The following SETD1B variants were observed in gnomAD, a reference collection of about 807,000 sequenced individuals.
SETD1B encodes the protein histone-lysine N-methyltransferase SETD1B.
In SETD1B, 7 loss-of-function variants were observed where a neutral mutation model predicts 148.0. The ratio of observed to expected loss-of-function variants is 0.05; its 90% CI spans 0.03 to 0.09. SETD1B has a LOEUF of 0.09. Ranked by LOEUF, SETD1B falls within the 10% of genes least tolerant of loss-of-function variation. SETD1B has a pLI of 1.00. For synonymous variants in SETD1B, 1,361 were observed against 1,186.5 expected, an observed-to-expected ratio of 1.15 and a Z score of -3.02; for missense variants, 2,155 against 2,729.9, an observed-to-expected ratio of 0.79 and a Z score of 4.69.
At chr12:121,815,277 A>G (rs1429001773) in intron 7 of SETD1B, among the ~76,000 whole-genome samples, 1 of 152,158 alleles carries the variant, frequency 6.6e-6, no homozygotes, top group African/African-American at 2.4e-5. Context: ...TAAATGTGCA[A>G]ATTAACTTAA....
the SETD1B span, chr12:121,793,562 G>A: frequency 1.9e-6 from 3 of 1,551,900 alleles, no homozygotes; most frequent in East Asian, 2.4e-5. Context: ...CGTCGCCCAC[G>A]ATCACGATCT....
chr12:121,822,698 G>A lies in SETD1B; in HGVS notation c.4119G>A (p.Ser1373=), dbSNP rs1244465428. Residue 1373 remains serine (S), a synonymous_variant, in exon 12 of 17, where the codon TCG becomes TCA. Coordinates refer to ENST00000604567, the MANE Select transcript of SETD1B (RefSeq NM_001353345.2). ...GCCTCTGTGGCAGCCTGGCCAAGTCGCAGAGCACAGAGACGGTGCCAGCCA... is the reference window on the plus strand; with the variant it reads ...GCCTCTGTGGCAGCCTGGCCAAGTCACAGAGCACAGAGACGGTGCCAGCCA... ...TPGLCGSLAK[S]QSTETVPATP... is the part of the protein sequence containing the mutation. 7.8e-6 allele frequency: 12 copies of A among 1,536,952 alleles called. No homozygotes were observed. Among genetic ancestry groups the A allele is most frequent in the Non-Finnish European group, 1.1e-5 (12 of 1,136,696 alleles).
In SETD1B at chr12:121,830,709, T is replaced by TCAGTGTGGCTGTGCGTGGCCC; in HGVS notation, c.*471_*491dup. Reference sequence around the variant, plus strand: ...GGCCCCGCGGGGGTCTGCAGAGGCCTCAGTGTGGCTGTGCGTGGCCCGTGT... The same window carrying TCAGTGTGGCTGTGCGTGGCCC: ...GGCCCCGCGGGGGTCTGCAGAGGCCTCAGTGTGGCTGTGCGTGGCCCCAGTGTGGCTGTGCGTGGCCCGTGT... On this transcript the variant is annotated 3_prime_UTR_variant, in exon 17 of 17. Transcript: ENST00000604567. The surrounding 1 kb of genome is among the most constrained non-coding windows in gnomAD (Gnocchi z 5.7). 1 of 155,354 alleles carries TCAGTGTGGCTGTGCGTGGCCC rather than the reference T, an allele frequency of 6.4e-6. No individual in the cohort carries two copies. The highest frequency in any genetic ancestry group is 1.9e-4 in the South Asian group (1 of 5,172). The allele number at this position is 155,354 out of a possible 1,614,324, so 9.6% of individuals were successfully genotyped here. A position where few individuals can be genotyped will look rare whatever the true frequency, so the allele number is the denominator to read the frequency against.
intron 12 of SETD1B, 78 bp from the exon 13 acceptor site, chr12:121,825,122 G>A: frequency 1.4e-6 from 2 of 1,421,036 alleles, no homozygotes; most frequent in African/African-American, 1.4e-5. Context: ...AGGGTGGTCT[G>A]AGGATGGGCG....
intron 4 of SETD1B, among the ~76,000 whole-genome samples, chr12:121,806,451 CAG>C (rs764571604): frequency 6.6e-5 from 10 of 152,068 alleles, no homozygotes; most frequent in African/African-American, 1.4e-4. Flanking sequence ...GGGGAGGAGA[CAG>C]AGTTTGTTTA....
chr12:121,799,743 G>GGGGGGT (rs1875230617), upstream of SETD1B: 1 of 141,330 alleles, frequency 7.1e-6, no homozygotes, highest in Non-Finnish European at 1.6e-5. Context: ...GGGTGGGGCG[G>GGGGGGT]GGCCGCAGAA....
chr12:121,829,967 T>C, intron 16 of SETD1B, 99 bp from the exon 17 acceptor site: 1 of 1,144,730 alleles, frequency 8.7e-7, no homozygotes, highest in South Asian at 1.6e-5. Context: ...ACGTGGCATG[T>C]CAGGCCTTAA....
chr12:121,827,468 C>T, intron 13 of SETD1B, 51 bp from the exon 14 acceptor site: 2 of 1,481,942 alleles, frequency 1.3e-6, no homozygotes, highest in Non-Finnish European at 1.8e-6. Flanking sequence ...TAGGGTGGGA[C>T]CGCCGAGGAC....
rs1211799435 is a variant in SETD1B at position 121,805,828 on chromosome 12, C to T, written c.274-7C>T. ...TTCAAACTCCCTTCCCCCTCGGCCC[C>T]TGCCAGATCGATGAGTTCTACGTGG... On this transcript the variant is annotated splice_polypyrimidine_tract_variant and splice_region_variant and intron_variant, in intron 3 of 16. Coordinates refer to ENST00000604567, the MANE Select transcript of SETD1B (RefSeq NM_001353345.2). The surrounding 1 kb of genome is among the most constrained non-coding windows in gnomAD (Gnocchi z 4.2). 4 of 1,550,894 alleles carry T rather than the reference C, an allele frequency of 2.6e-6. No individual in the cohort carries two copies. The highest frequency in any genetic ancestry group is 2.4e-5 in the East Asian group (1 of 40,922).
chr12:121,799,737 G>A (rs1875227374), upstream of SETD1B: 2 of 123,686 alleles, frequency 1.6e-5, no homozygotes, highest in African/African-American at 3.1e-5. Context: ...GGGGTGGGGT[G>A]GGGCGGGGCC....
At position 121,808,147 on chromosome 12, in the gene SETD1B, C is replaced by T. The variant is rs1346098735; in HGVS notation, c.545-61C>T. On this transcript the variant is annotated intron_variant, in intron 4 of 16. Transcript: ENST00000604567. This position sits in a 1 kb window ranked among gnomAD's most constrained non-coding sequence, Gnocchi z 5.3. Reference sequence around the variant, plus strand: ...CCAGGGTGCCACACAGGTTGGAATCCTTGTGGGGGCTGCCCCATCCTGGAA... The same window carrying T: ...CCAGGGTGCCACACAGGTTGGAATCTTTGTGGGGGCTGCCCCATCCTGGAA... 7.3e-7 allele frequency: 1 copy of T among 1,365,026 alleles called. No individual in the cohort carries two copies. The highest frequency in any genetic ancestry group is 1.0e-6 in the Non-Finnish European group (1 of 985,836). The allele number at this position is 1,365,026 out of a possible 1,614,324, so 84.6% of individuals were successfully genotyped here. A position where few individuals can be genotyped will look rare whatever the true frequency, so the allele number is the denominator to read the frequency against.
In SETD1B at chr12:121,814,781, C is replaced by A. The variant is rs778062432; in HGVS notation, c.2566C>A (p.Pro856Thr). The A allele has an allele frequency of 6.4e-7, 1 of 1,551,512 alleles. No individual in the cohort carries two copies. The highest frequency in any genetic ancestry group is 8.7e-7 in the Non-Finnish European group (1 of 1,147,000). ...AGGCTACATGCCACGCCAGGAGGAC[C>A]CACACAAAGCCACGGTGGATGGCGT... ...PPGYMPRQED[P>T]HKATVDGVLL... The change falls in exon 7 of 17, where the codon CCA becomes ACA. Residue 856 changes from proline to threonine, a missense_variant. By Grantham distance (38) the Pro-to-Thr change is conservative. Coordinates refer to ENST00000604567, the MANE Select transcript of SETD1B (RefSeq NM_001353345.2).
At chr12:121,799,723 G>T (rs1322166110), upstream of SETD1B, 1 of 128,878 alleles carries the variant, frequency 7.8e-6, no homozygotes, top group African/African-American at 2.8e-5. Context: ...CAGCTGGGGG[G>T]GGGGGGGTGG....
chr12:121,794,646 G>C, the SETD1B span, among the ~76,000 whole-genome samples: 210 of 152,254 alleles, frequency 1.4e-3, 3 homozygotes, highest in Non-Finnish European at 1.4e-3. Context: ...TATTTGTTGA[G>C]CACTTACTGT....
chr12:121,790,171 A>G, the SETD1B span, among the ~76,000 whole-genome samples: 2 of 152,082 alleles, frequency 1.3e-5, no homozygotes, highest in African/African-American at 4.8e-5. Context: ...GCCTTCCACG[A>G]GGGCCCCTGT....
At chr12:121,812,387 C>T (rs1238081091) in intron 6 of SETD1B, among the ~76,000 whole-genome samples, 1 of 152,188 alleles carries the variant, frequency 6.6e-6, no homozygotes, top group Non-Finnish European at 1.5e-5. Context: ...CTTTCTGAGT[C>T]TCAGTTTCGT....
chr12:121,793,257 G>A, the SETD1B span: 38 of 1,549,530 alleles, frequency 2.5e-5, no homozygotes, highest in East Asian at 6.6e-4. Flanking sequence ...AGAGGGGGTC[G>A]GGTTGGTCCT....
upstream of SETD1B, chr12:121,801,050 G>A (rs1329994910): frequency 6.6e-6 from 1 of 152,220 alleles, no homozygotes; most frequent in Non-Finnish European, 1.5e-5. Context: ...GAGCGCGGCC[G>A]GGAGGACAGC....
At chr12:121,806,270 A>G (rs1223760474) in intron 4 of SETD1B, among the ~76,000 whole-genome samples, 165 bp downstream of exon 4, 1 of 149,410 alleles carries the variant, frequency 6.7e-6, no homozygotes, top group African/African-American at 2.5e-5. Flanking sequence ...GTGGAGCTAA[A>G]TGTGTTGTCT....
Sources: allele counts gnomAD v4.1 joint callset (sites outside exome capture counted in the v4.1 genomes callset), GRCh38; gene constraint gnomAD v4.1.1; non-coding constraint Gnocchi (gnomAD v3.1); transcripts MANE v1.5; gene names NCBI Gene and HGNC (gene_info 2026-07-23, HGNC 2026-07-21).